The following SLC38A11 variants were observed in gnomAD, a reference collection of about 807,000 sequenced individuals.
SLC38A11 encodes the protein putative sodium-coupled neutral amino acid transporter 11.
Under a neutral mutation model 49.4 loss-of-function variants are expected in SLC38A11, and 51 were observed. That is an observed-to-expected ratio of 1.03 (90% CI 0.83 to 1.30). The LOEUF is 1.30. Ranked by LOEUF, SLC38A11 falls within the 50% of genes most tolerant of loss-of-function variation. The pLI, the probability that SLC38A11 is intolerant of heterozygous loss-of-function variation, is 0.00. For synonymous variants in SLC38A11, 203 were observed against 192.9 expected (o/e 1.05, Z -0.43); for missense variants, 574 against 556.2 (o/e 1.03, Z -0.32).
At chr2:164,938,904 A>G (rs1687558531) in intron 6 of SLC38A11, among the ~76,000 whole-genome samples, 1 of 152,160 alleles carries the variant, frequency 6.6e-6, no homozygotes, top group East Asian at 1.9e-4. Context: ...CTGAATAATT[A>G]TTTAATTGTT....
At chr2:164,950,728 T>C (rs1250822309) in intron 3 of SLC38A11, among the ~76,000 whole-genome samples, 2 of 152,152 alleles carry the variant, frequency 1.3e-5, no homozygotes, top group African/African-American at 4.8e-5. Flanking sequence ...ATTCTTTTTG[T>C]TCCCCAACAT....
chr2:164,924,559 G>T (rs1334483972), intron 7 of SLC38A11, among the ~76,000 whole-genome samples: 1 of 152,056 alleles, frequency 6.6e-6, no homozygotes, highest in South Asian at 2.1e-4. Flanking sequence ...TGTACATCCT[G>T]TAAGAAAAGC....
At chr2:164,927,096 T>C (rs1045928120) in intron 7 of SLC38A11, among the ~76,000 whole-genome samples, 1 of 152,168 alleles carries the variant, frequency 6.6e-6, no homozygotes, top group Admixed American at 6.6e-5. Context: ...ATTAGCACCC[T>C]TATAAAAGTG....
chr2:164,921,541 G>T (rs1396765172), intron 7 of SLC38A11, among the ~76,000 whole-genome samples: 3 of 151,050 alleles, frequency 2.0e-5, no homozygotes, highest in Admixed American at 2.0e-4. Flanking sequence ...ATGTTGTCTA[G>T]GCTGGTCTTG....
intron 8 of SLC38A11, 113 bp downstream of exon 8, chr2:164,915,790 G>A: frequency 1.4e-6 from 1 of 725,768 alleles, no homozygotes; most frequent in Non-Finnish European, 2.3e-6. Flanking sequence ...GCTGCTAATA[G>A]GAAGTCTAAA....
intron 7 of SLC38A11, among the ~76,000 whole-genome samples, chr2:164,935,149 T>C (rs1055851307): frequency 3.3e-5 from 5 of 152,092 alleles, no homozygotes; most frequent in African/African-American, 1.2e-4. Flanking sequence ...TTTGCACTTA[T>C]CACCTTGTAC....
At chr2:164,929,841 A>C (rs1218287748) in intron 7 of SLC38A11, among the ~76,000 whole-genome samples, 2 of 152,056 alleles carry the variant, frequency 1.3e-5, no homozygotes, top group Non-Finnish European at 2.9e-5. Flanking sequence ...TAACAACCAA[A>C]CATTACAAGT....
At chr2:164,906,535 C>T (rs1685018612) in intron 11 of SLC38A11, among the ~76,000 whole-genome samples, 2 of 152,048 alleles carry the variant, frequency 1.3e-5, no homozygotes, top group African/African-American at 4.8e-5. Context: ...TTAGGTAAGG[C>T]AAGCTTATGG....
At position 164,915,898 on chromosome 2, in the gene SLC38A11, C is replaced by T. The variant is rs1559098390; in HGVS notation, c.688+5G>A. The T allele has an allele frequency of 1.3e-6, 2 of 1,594,066 alleles. No individual in the cohort carries two copies. The highest frequency in any genetic ancestry group is 2.3e-5 in the South Asian group (2 of 88,474). On this transcript the variant is annotated splice_donor_5th_base_variant and intron_variant, in intron 8 of 11. Coordinates refer to ENST00000685975, the MANE Select transcript of SLC38A11 (RefSeq NM_001351537.2). The stretch of plus-strand genomic sequence containing the variant: ...GAGAAAGGGCCTTTGAAACCAAATA[C>T]TCACCAAAAGACATAACCCCGACCG...
rs1334689141 is a variant in SLC38A11 at position 164,898,239 on chromosome 2, C to T, written c.*198G>A. 1.9e-6 allele frequency: 1 copy of T among 513,540 alleles called. No individual in the cohort carries two copies. The highest frequency in any genetic ancestry group is 3.4e-6 in the Non-Finnish European group (1 of 290,826). The allele number at this position is 513,540 out of a possible 1,614,324, so 31.8% of individuals were successfully genotyped here. A position where few individuals can be genotyped will look rare whatever the true frequency, so the allele number is the denominator to read the frequency against. ...TGTAGTGCAGTCATTAGAACAAAAC[C>T]CTTATTTTGTTCCAGTTAAAGGTGA... On this transcript the variant is annotated 3_prime_UTR_variant, in exon 12 of 12. Transcript: ENST00000685975.
rs1393342051 is a variant in SLC38A11, at chr2:164,895,485, A to G, written c.*2952T>C. Among the ~76,000 whole-genome samples, 1 of 152,220 alleles carries G rather than the reference A, an allele frequency of 6.6e-6. No individual in the cohort carries two copies. The highest frequency in any genetic ancestry group is 2.4e-5 in the African/African-American group (1 of 41,466). On this transcript the variant is annotated 3_prime_UTR_variant, in exon 12 of 12. Transcript: ENST00000685975. ...TTATTCCTTTCCTAAGCAAGGCTAT[A>G]GCAGATAAACCAGGAGGAGACCTGT...
In SLC38A11 at chr2:164,939,994, GTTTT is replaced by G. The variant is rs10707733; in HGVS notation, c.431-442_431-439del. ...ATAGGAGGATGATGCATTTTCTAAG[GTTTT>G]TTTTTTTTTTTTTCTATACGCAAGA... On this transcript the variant is annotated intron_variant, in intron 5 of 11. Coordinates refer to ENST00000685975, the MANE Select transcript of SLC38A11 (RefSeq NM_001351537.2). Among the ~76,000 whole-genome samples the G allele has an allele frequency of 2.6e-3, 361 of 137,266 alleles. 2 individuals are homozygous for G. The highest frequency in any genetic ancestry group is 8.5e-3 in the East Asian group (41 of 4,808). 90.1% of individuals were successfully genotyped at this position (137,266 alleles called of 152,430 possible).
chr2:164,932,932 A>G (rs1251062335), intron 7 of SLC38A11, among the ~76,000 whole-genome samples: 2 of 152,140 alleles, frequency 1.3e-5, no homozygotes, highest in African/African-American at 4.8e-5. Flanking sequence ...CTTTCCTTAA[A>G]TATGTAGCCT....
In SLC38A11 at chr2:164,898,577, T is replaced by C; in HGVS notation, c.1249A>G (p.Ile417Val). 1 of 1,613,616 alleles carries C rather than the reference T, an allele frequency of 6.2e-7. No individual in the cohort carries two copies. The highest frequency in any genetic ancestry group is 8.5e-7 in the Non-Finnish European group (1 of 1,179,736). Residue 417 changes from isoleucine (I) to valine (V), a missense_variant, in exon 12 of 12, where the codon ATT (isoleucine) becomes GTT (valine). By Grantham distance (29) the Ile-to-Val change is conservative. Transcript: ENST00000685975. ...TGGGTGCAGTCTTGAGTATTTGTAA[T>C]AGCCATGACGAATCCAAAAACCATC... ...VVMVFGFVMA[I>V]TNTQDCTHGQ... is the part of the protein sequence containing the mutation.
chr2:164,937,863 C>T (rs1275472207), intron 6 of SLC38A11, among the ~76,000 whole-genome samples: 1 of 152,090 alleles, frequency 6.6e-6, no homozygotes, highest in African/African-American at 2.4e-5. Flanking sequence ...TCCAACACCA[C>T]ACACATTCCT....
At chr2:164,921,791 C>T (rs533564886) in intron 7 of SLC38A11, among the ~76,000 whole-genome samples, 1 of 152,104 alleles carries the variant, frequency 6.6e-6, no homozygotes, top group African/African-American at 2.4e-5. Flanking sequence ...AGCAATGATT[C>T]GTGTTTCAAA....
At chr2:164,936,295 G>A (rs546230907) in intron 7 of SLC38A11, among the ~76,000 whole-genome samples, 1 of 152,132 alleles carries the variant, frequency 6.6e-6, no homozygotes, top group African/African-American at 2.4e-5. Flanking sequence ...ATTAGCTTGA[G>A]GCCTTTTTTT....
intron 10 of SLC38A11, among the ~76,000 whole-genome samples, chr2:164,911,103 T>C (rs1439198482): frequency 6.6e-6 from 1 of 152,004 alleles, no homozygotes; most frequent in Non-Finnish European, 1.5e-5. Context: ...ATAAAATGTA[T>C]CTGTAAAACT....
chr2:164,931,753 A>T (rs1199846130), intron 7 of SLC38A11, among the ~76,000 whole-genome samples: 1 of 152,124 alleles, frequency 6.6e-6, no homozygotes, highest in Non-Finnish European at 1.5e-5. Flanking sequence ...CCTTCCTTAC[A>T]CCATACACAA....
Sources: gnomAD v4.1 joint callset for allele counts (sites outside exome capture counted in the v4.1 genomes callset) on GRCh38, gnomAD v4.1.1 for gene constraint, MANE v1.5 for transcripts, NCBI Gene and HGNC (gene_info 2026-07-23, HGNC 2026-07-21) for gene names.